The following CYRIA variants were observed in gnomAD, a reference collection of about 807,000 sequenced individuals.
CYRIA encodes the protein CYFIP-related Rac1 interactor A.
In CYRIA, 15 loss-of-function variants were observed where a neutral mutation model predicts 43.9. The observed-to-expected ratio is 0.34, with a 90% CI of 0.23 to 0.53. CYRIA has a LOEUF of 0.53. CYRIA is among the 20% of genes least tolerant of loss of function. CYRIA has a pLI of 0.94. For synonymous variants in CYRIA, 117 were observed against 136.0 expected (o/e 0.86, Z 0.97); for missense variants, 236 against 394.2 (o/e 0.60, Z 3.40).
intron 1 of CYRIA, among the ~76,000 whole-genome samples, chr2:16,656,066 C>G: frequency 6.6e-6 from 1 of 152,162 alleles, no homozygotes; most frequent in Non-Finnish European, 1.5e-5. Flanking sequence ...ACACAAAGGC[C>G]AGGGCAGAGC....
intron 1 of CYRIA, among the ~76,000 whole-genome samples, chr2:16,648,363 A>T (rs1487518496): frequency 6.6e-6 from 1 of 151,938 alleles, no homozygotes; most frequent in Non-Finnish European, 1.5e-5. Flanking sequence ...AATAGTAAGC[A>T]TTTGGGACAG....
chr2:16,582,307 C>T (rs1266099892), intron 3 of CYRIA, among the ~76,000 whole-genome samples: 1 of 152,114 alleles, frequency 6.6e-6, no homozygotes, highest in Non-Finnish European at 1.5e-5. Context: ...ATTGGATCTT[C>T]CAAAAGAATC....
At chr2:16,611,148 A>G (rs992061197) in intron 2 of CYRIA, among the ~76,000 whole-genome samples, 2 of 151,318 alleles carry the variant, frequency 1.3e-5, no homozygotes, top group African/African-American at 4.9e-5. Context: ...TCACAAGGTT[A>G]AGAGATCAAG....
At chr2:16,582,626 G>C (rs1293331525) in intron 3 of CYRIA, among the ~76,000 whole-genome samples, 1 of 152,128 alleles carries the variant, frequency 6.6e-6, no homozygotes, top group Non-Finnish European at 1.5e-5. Context: ...TGTGGTCTTT[G>C]TAACTAGCTT....
At chr2:16,588,649 T>C (rs1299896013) in intron 2 of CYRIA, among the ~76,000 whole-genome samples, 4 of 152,068 alleles carry the variant, frequency 2.6e-5, no homozygotes, top group Admixed American at 6.6e-5. Flanking sequence ...TAAAAATACC[T>C]GTCCAAAAAA....
At chr2:16,555,254 A>G in intron 10 of CYRIA, 115 bp from the exon 11 acceptor site, 1 of 1,002,406 alleles carries the variant, frequency 1.0e-6, no homozygotes, top group Non-Finnish European at 1.5e-6. Flanking sequence ...TAGAAATCCA[A>G]CGCAGAAATG....
chr2:16,568,155 A>T (rs1667008351), intron 3 of CYRIA, among the ~76,000 whole-genome samples: 1 of 145,602 alleles, frequency 6.9e-6, no homozygotes, highest in Non-Finnish European at 1.5e-5. Context: ...TTCTCACTGG[A>T]GTATTTTGCA....
chr2:16,632,080 T>C (rs1259799530), intron 1 of CYRIA, among the ~76,000 whole-genome samples: 1 of 152,196 alleles, frequency 6.6e-6, no homozygotes, highest in Non-Finnish European at 1.5e-5. Flanking sequence ...GGGTGTTCCG[T>C]AGAGACCACT....
intron 3 of CYRIA, among the ~76,000 whole-genome samples, chr2:16,579,166 A>G (rs1667457860): frequency 6.6e-6 from 1 of 152,118 alleles, no homozygotes; most frequent in Non-Finnish European, 1.5e-5. Flanking sequence ...AATCCCCCAA[A>G]CCTGTGGATC....
rs1266361003 is a variant in CYRIA, at chr2:16,652,191, A to G, written c.-167+13589T>C. Among the ~76,000 whole-genome samples the G allele has an allele frequency of 2.0e-5, 3 of 152,168 alleles. No homozygotes were observed. The East Asian group carries it at 5.8e-4, about 29-fold the overall frequency. On this transcript the variant is annotated intron_variant, in intron 1 of 11. Transcript: ENST00000381323. ...CATTCCTTTGTGAAAATTCCCTAAC[A>G]TCTTCCCACAGCTTCAGGATGTCCT... is the stretch of plus-strand genomic sequence containing the variant.
At chr2:16,593,773 T>G (rs1668017669) in intron 2 of CYRIA, among the ~76,000 whole-genome samples, 2 of 142,620 alleles carry the variant, frequency 1.4e-5, no homozygotes, top group Non-Finnish European at 3.0e-5. Context: ...ATGTGCACAT[T>G]GTGCAGGTTA....
chr2:16,640,408 C>T (rs559975043), intron 1 of CYRIA, among the ~76,000 whole-genome samples: 10 of 152,348 alleles, frequency 6.6e-5, no homozygotes, highest in Middle Eastern at 6.8e-3. Context: ...CTGCCATGCC[C>T]CAGCTGGCCC....
At chr2:16,654,498 T>C (rs1302880336) in intron 1 of CYRIA, among the ~76,000 whole-genome samples, 3 of 151,472 alleles carry the variant, frequency 2.0e-5, no homozygotes, top group Non-Finnish European at 2.9e-5. Flanking sequence ...TTATTTTCTT[T>C]AAAAAAAAAT....
intron 1 of CYRIA, among the ~76,000 whole-genome samples, chr2:16,624,589 G>A (rs1315857883): frequency 1.3e-5 from 2 of 152,112 alleles, no homozygotes; most frequent in Non-Finnish European, 2.9e-5. Flanking sequence ...TCAGTGAGAA[G>A]CATATGTGGG....
intron 1 of CYRIA, among the ~76,000 whole-genome samples, chr2:16,649,808 G>A (rs942296397): frequency 2.0e-5 from 3 of 152,180 alleles, no homozygotes; most frequent in Admixed American, 6.5e-5. Flanking sequence ...TACAGAGCAC[G>A]GTTGTACAGT....
chr2:16,663,558 A>C (rs1393126014), intron 1 of CYRIA, among the ~76,000 whole-genome samples: 3 of 149,940 alleles, frequency 2.0e-5, no homozygotes, highest in Non-Finnish European at 4.4e-5. Flanking sequence ...GGAGCTATGA[A>C]CTCCTTGCCC....
chr2:16,626,407 A>G (rs1040262836), intron 1 of CYRIA, among the ~76,000 whole-genome samples: 4 of 152,104 alleles, frequency 2.6e-5, no homozygotes, highest in African/African-American at 9.7e-5. Context: ...TGATCCATGG[A>G]CTAGCATTCA....
Position 16,612,452 on chromosome 2 carries a change from G to T in CYRIA, c.-11+11412C>A, listed in dbSNP as rs149083927. ...CCATGGTGACACTCATTTTAATAAA[G>T]ATATAGCTAAAGATCTCATGCTATG... On this transcript the variant is annotated intron_variant, in intron 2 of 11. Coordinates refer to ENST00000381323, the MANE Select transcript of CYRIA (RefSeq NM_030797.4). Among the ~76,000 whole-genome samples, 861 of 152,264 alleles carry T rather than the reference G, an allele frequency of 5.7e-3. 3 individuals are homozygous for T. The highest frequency in any genetic ancestry group is 8.5e-3 in the Non-Finnish European group (575 of 68,026).
At chr2:16,637,794 T>C (rs550185758) in intron 1 of CYRIA, among the ~76,000 whole-genome samples, 3 of 152,326 alleles carry the variant, frequency 2.0e-5, no homozygotes, top group Non-Finnish European at 2.9e-5. Flanking sequence ...TAGCTTCAAG[T>C]AGCATCTACC....
Sources: gnomAD v4.1 joint callset for allele counts (sites outside exome capture counted in the v4.1 genomes callset) on GRCh38, gnomAD v4.1.1 for gene constraint, MANE v1.5 for transcripts, NCBI Gene and HGNC (gene_info 2026-07-23, HGNC 2026-07-21) for gene names.